HRH1: variants seen among roughly 807,000 people sequenced by gnomAD.
HRH1 encodes histamine receptor H1, also known as histamine H1 receptor.
In HRH1, 6 loss-of-function variants were observed where a neutral mutation model predicts 10.3. The observed-to-expected ratio is 0.58, with a 90% CI of 0.32 to 1.15. The LOEUF is 1.15. Ranked by LOEUF, HRH1 falls within the 50% of genes most tolerant of loss-of-function variation. The pLI is 0.05. For synonymous variants in HRH1, 242 were observed against 236.7 expected, an observed-to-expected ratio of 1.02 and a Z score of -0.21; for missense variants, 514 against 615.3, an observed-to-expected ratio of 0.84 and a Z score of 1.74.
intron 1 of HRH1, among the ~76,000 whole-genome samples, chr3:11,199,217 T>A (rs1448224159): frequency 6.6e-6 from 1 of 152,056 alleles, no homozygotes; most frequent in Non-Finnish European, 1.5e-5. Context: ...AATCTCTATA[T>A]TATAGGTGAA....
At chr3:11,217,156 A>T (rs1330703901) in intron 1 of HRH1, among the ~76,000 whole-genome samples, 1 of 151,854 alleles carries the variant, frequency 6.6e-6, no homozygotes, top group Non-Finnish European at 1.5e-5. Context: ...ACTGCACCCC[A>T]GCCTGGGCAA....
intron 1 of HRH1, among the ~76,000 whole-genome samples, chr3:11,230,778 C>G (rs988183671): frequency 2.0e-5 from 3 of 152,096 alleles, no homozygotes; most frequent in Non-Finnish European, 4.4e-5. Context: ...GGAGTGCGGC[C>G]AAGGTATCAA....
Position 11,260,119 on chromosome 3 carries a change from C to T in HRH1, c.1082C>T (p.Thr361Met), listed in dbSNP as rs200928208. 42 of 1,613,922 alleles carry T rather than the reference C, an allele frequency of 2.6e-5. No individual in the cohort carries two copies. The highest frequency in any genetic ancestry group is 6.7e-5 in the East Asian group (3 of 44,892). ...MLGDSQSFSR[T>M]DSDTTTETAP... ...GGTGATAGCCAATCCTTCTCTCGAACGGACTCAGATACCACCACAGAGACA... is the reference window on the plus strand; with the variant it reads ...GGTGATAGCCAATCCTTCTCTCGAATGGACTCAGATACCACCACAGAGACA... The change falls in exon 2 of 2, where the codon ACG becomes ATG. Residue 361 changes from threonine to methionine, a missense_variant. Thr to Met is a moderately conservative substitution (Grantham distance 81, BLOSUM62 -1). Transcript: ENST00000431010.
intron 1 of HRH1, among the ~76,000 whole-genome samples, chr3:11,237,745 A>G (rs1011702053): frequency 1.5e-5 from 2 of 132,860 alleles, no homozygotes; most frequent in East Asian, 4.3e-4. Context: ...GCGTGATCTC[A>G]GCTCACTGCA....
intron 1 of HRH1, among the ~76,000 whole-genome samples, chr3:11,191,197 G>A (rs949264398): frequency 2.0e-5 from 3 of 152,112 alleles, no homozygotes; most frequent in Admixed American, 1.3e-4. Context: ...TTGACATGTC[G>A]GACTGTGCTG....
chr3:11,182,636 G>A (rs116393935), intron 1 of HRH1, among the ~76,000 whole-genome samples: 2 of 152,180 alleles, frequency 1.3e-5, no homozygotes, highest in South Asian at 2.1e-4. Context: ...GGTCATCTCA[G>A]TGTATGCATC....
At chr3:11,153,638 G>T (rs1377035274), upstream of HRH1, among the ~76,000 whole-genome samples, 1 of 152,126 alleles carries the variant, frequency 6.6e-6, no homozygotes, top group African/African-American at 2.4e-5. Context: ...TCCCGGCGCT[G>T]AGAAGGCAGA....
At chr3:11,200,393 T>C (rs1045238573) in intron 1 of HRH1, among the ~76,000 whole-genome samples, 1 of 152,174 alleles carries the variant, frequency 6.6e-6, no homozygotes, top group Admixed American at 6.5e-5. Flanking sequence ...AGAGAGACCA[T>C]ATGGTCTGTG....
At chr3:11,161,660 T>G (rs1936924096) in intron 1 of HRH1, among the ~76,000 whole-genome samples, 1 of 152,230 alleles carries the variant, frequency 6.6e-6, no homozygotes, top group African/African-American at 2.4e-5. Flanking sequence ...CACAAACCTT[T>G]GAATGGAACG....
At chr3:11,193,891 G>A (rs575435185) in intron 1 of HRH1, among the ~76,000 whole-genome samples, 4 of 152,336 alleles carry the variant, frequency 2.6e-5, no homozygotes, top group African/African-American at 9.6e-5. Flanking sequence ...TAAGCAGCTG[G>A]ATAGGGAGAA....
At chr3:11,158,644 A>G (rs1936866080) in intron 1 of HRH1, among the ~76,000 whole-genome samples, 1 of 151,890 alleles carries the variant, frequency 6.6e-6, no homozygotes, top group Admixed American at 6.6e-5. Flanking sequence ...TGTGTTTTTT[A>G]TATCTTTTGT....
At position 11,184,169 on chromosome 3, in the gene HRH1, A is replaced by T. The variant is rs919586673; in HGVS notation, c.-36+29615A>T. 9.9e-5 allele frequency among the ~76,000 whole-genome samples: 15 copies of T among 152,174 alleles called. No individual in the cohort carries two copies. The South Asian group carries it at 1.5e-3, about 15-fold the overall frequency. On this transcript the variant is annotated intron_variant, in intron 1 of 1. Coordinates refer to ENST00000431010, the MANE Select transcript of HRH1 (RefSeq NM_001098212.2). The stretch of plus-strand genomic sequence containing the variant: ...GCCCCCACCTTCCACCTCCAACTCA[A>T]ATCTTAACATAATGAGAGCAAATCA...
At chr3:11,198,641 G>A (rs1383151853) in intron 1 of HRH1, among the ~76,000 whole-genome samples, 2 of 151,526 alleles carry the variant, frequency 1.3e-5, no homozygotes, top group South Asian at 2.1e-4. Context: ...GGAGACCAAG[G>A]CAGGAGGATC....
chr3:11,143,995 A>C (rs950081623), intron 1 of HRH1, among the ~76,000 whole-genome samples: 1 of 152,208 alleles, frequency 6.6e-6, no homozygotes, highest in African/African-American at 2.4e-5. Context: ...TGAAACTATA[A>C]TGAGATGTCA....
At chr3:11,189,758 T>C (rs1937508916) in intron 1 of HRH1, among the ~76,000 whole-genome samples, 1 of 141,626 alleles carries the variant, frequency 7.1e-6, no homozygotes, top group Admixed American at 7.0e-5. Flanking sequence ...ACCCCATCTC[T>C]ACTAAAAAAA....
At chr3:11,186,750 C>A (rs1296070801) in intron 1 of HRH1, among the ~76,000 whole-genome samples, 1 of 152,172 alleles carries the variant, frequency 6.6e-6, no homozygotes. Context: ...TTTGGGCTAA[C>A]ACTTTTAGGT....
At chr3:11,250,846 T>G (rs1939630841) in intron 1 of HRH1, among the ~76,000 whole-genome samples, 1 of 152,136 alleles carries the variant, frequency 6.6e-6, no homozygotes, top group African/African-American at 2.4e-5. Flanking sequence ...TTCTTTAGGT[T>G]GTTTGTTGGT....
chr3:11,237,521 G>T (rs996870784), intron 1 of HRH1, among the ~76,000 whole-genome samples: 2 of 152,126 alleles, frequency 1.3e-5, no homozygotes, highest in African/African-American at 4.8e-5. Flanking sequence ...CATTAAAATG[G>T]GAGGCTGGGG....
chr3:11,241,677 C>CA (rs34403621), intron 1 of HRH1, among the ~76,000 whole-genome samples: 5 of 151,266 alleles, frequency 3.3e-5, no homozygotes, highest in Non-Finnish European at 5.9e-5. Context: ...ACTGAAAATA[C>CA]AAAAAAAAAT....
Sources: allele counts gnomAD v4.1 joint callset (sites outside exome capture counted in the v4.1 genomes callset), GRCh38; gene constraint gnomAD v4.1.1; transcripts MANE v1.5; gene names NCBI Gene and HGNC (gene_info 2026-07-23, HGNC 2026-07-21).